Variants in ARMC2 observed in about 807,000 individuals in gnomAD.
ARMC2 encodes armadillo repeat-containing protein 2.
Under a neutral mutation model 90.3 loss-of-function variants are expected in ARMC2, and 67 were observed. The observed-to-expected ratio is 0.74, with a 90% CI of 0.61 to 0.91. The LOEUF is 0.91. Ranked by LOEUF, ARMC2 falls within the 40% of genes least tolerant of loss-of-function variation. The probability of loss-of-function intolerance (pLI) is 0.00; values close to 1 mark genes in which losing one functional copy is unlikely to be tolerated. For missense variants in ARMC2, 920 were observed against 1,030.9 expected, an observed-to-expected ratio of 0.89 and a Z score of 1.47; for synonymous variants, 393 against 393.0, an observed-to-expected ratio of 1.00 and a Z score of 0.00.
intron 12 of ARMC2, among the ~76,000 whole-genome samples, chr6:108,939,372 G>A (rs78854035): frequency 0.017 from 2,525 of 152,208 alleles, 79 homozygotes; most frequent in African/African-American, 0.059. Flanking sequence ...GATCATGGGC[G>A]GAGTTCTCAC....
chr6:108,961,550 C>T, intron 13 of ARMC2, 22 bp from the exon 14 acceptor site: 1 of 1,591,128 alleles, frequency 6.3e-7, no homozygotes, highest in Non-Finnish European at 8.6e-7. Flanking sequence ...TCTTTGACTC[C>T]CTTATCCTTA....
chr6:108,902,309 T>G lies in ARMC2; in HGVS notation c.848-1921T>G, dbSNP rs139496306. Among the ~76,000 whole-genome samples the G allele has an allele frequency of 1.2e-4, 18 of 152,336 alleles. No individual in the cohort carries two copies. The East Asian group carries it at 3.5e-3, about 29-fold the overall frequency. On this transcript the variant is annotated intron_variant, in intron 7 of 17. Coordinates refer to ENST00000392644, the MANE Select transcript of ARMC2 (RefSeq NM_032131.6). The stretch of plus-strand genomic sequence containing the variant: ...TGATCAATAGTTTAAAATTTGACCC[T>G]TGAGCCTTTCTTTCTAACCCCTTTT...
the ARMC2 span, among the ~76,000 whole-genome samples, chr6:108,989,865 G>A: frequency 2.0e-5 from 3 of 152,122 alleles, no homozygotes; most frequent in African/African-American, 4.8e-5. Flanking sequence ...TGAGTTTTCA[G>A]TGGAAAGGGG....
the ARMC2 span, among the ~76,000 whole-genome samples, chr6:108,986,101 A>C: frequency 6.6e-6 from 1 of 152,174 alleles, no homozygotes; most frequent in Non-Finnish European, 1.5e-5. Context: ...GCTTCAGTTA[A>C]ACTTAGAGCT....
At chr6:108,971,370 G>A (rs1180746007) in intron 17 of ARMC2, among the ~76,000 whole-genome samples, 2 of 152,192 alleles carry the variant, frequency 1.3e-5, no homozygotes, top group Non-Finnish European at 2.9e-5. Flanking sequence ...TTTGCTTACA[G>A]GGTCTCCATG....
chr6:109,027,625 G>A, the ARMC2 span, among the ~76,000 whole-genome samples: 20 of 151,912 alleles, frequency 1.3e-4, no homozygotes, highest in South Asian at 1.9e-3. Context: ...TAATGTCTGC[G>A]TATATTTTCA....
intron 12 of ARMC2, among the ~76,000 whole-genome samples, chr6:108,945,416 A>G (rs1015313087): frequency 4.6e-5 from 7 of 152,260 alleles, no homozygotes; most frequent in Non-Finnish European, 1.0e-4. Context: ...TGCAAAGGTC[A>G]TGATCAAAAA....
At chr6:108,920,466 G>C (rs1474844032) in intron 10 of ARMC2, among the ~76,000 whole-genome samples, 1 of 152,162 alleles carries the variant, frequency 6.6e-6, no homozygotes, top group African/African-American at 2.4e-5. Context: ...GTTGCCACGA[G>C]AGAGTAGGCA....
At chr6:108,909,860 T>C (rs114971314) in intron 8 of ARMC2, among the ~76,000 whole-genome samples, 3 of 152,302 alleles carry the variant, frequency 2.0e-5, no homozygotes, top group African/African-American at 7.2e-5. Flanking sequence ...ACTTTAGATG[T>C]TACTTGTGAT....
At chr6:108,968,126 A>G (rs1366087756) in intron 17 of ARMC2, among the ~76,000 whole-genome samples, 1 of 152,220 alleles carries the variant, frequency 6.6e-6, no homozygotes, top group East Asian at 1.9e-4. Flanking sequence ...AAGGTACTTG[A>G]TAGCTGCATG....
chr6:108,964,323 G>A lies in ARMC2; in HGVS notation c.2285+11G>A, dbSNP rs769102341. Reference sequence around the variant, plus strand: ...AGGTGGCATTAAAAAGTAAGTTTCAGGGCGTAGAGTACTGACTCTCTCAGG... The same window carrying A: ...AGGTGGCATTAAAAAGTAAGTTTCAAGGCGTAGAGTACTGACTCTCTCAGG... On this transcript the variant is annotated intron_variant, in intron 16 of 17. Transcript: ENST00000392644. 8.1e-6 allele frequency: 13 copies of A among 1,613,024 alleles called. No individual in the cohort carries two copies. Among genetic ancestry groups the A allele is most frequent in the Non-Finnish European group, 8.5e-6 (10 of 1,179,364 alleles).
At chr6:109,050,090 A>C in the ARMC2 span, among the ~76,000 whole-genome samples, 4 of 152,218 alleles carry the variant, frequency 2.6e-5, no homozygotes, top group Non-Finnish European at 5.9e-5. Flanking sequence ...TGAAAAAGCC[A>C]AACTGGTGGA....
chr6:108,875,297 T>A (rs1371491521), intron 4 of ARMC2, among the ~76,000 whole-genome samples: 1 of 152,194 alleles, frequency 6.6e-6, no homozygotes. Context: ...TGCCCTCTCC[T>A]TTCCATTGCA....
intron 12 of ARMC2, among the ~76,000 whole-genome samples, chr6:108,942,252 A>G (rs1043984267): frequency 2.6e-5 from 4 of 152,222 alleles, no homozygotes; most frequent in African/African-American, 9.7e-5. Context: ...TATTTTTTCT[A>G]GTACTCGAGT....
At chr6:108,960,246 C>T (rs1777895189) in intron 13 of ARMC2, among the ~76,000 whole-genome samples, 1 of 152,328 alleles carries the variant, frequency 6.6e-6, no homozygotes, top group Non-Finnish European at 1.5e-5. Context: ...CCCTCACACC[C>T]CCATCCAGTC....
chr6:108,954,430 C>T (rs1030568289), intron 13 of ARMC2, among the ~76,000 whole-genome samples: 1 of 152,150 alleles, frequency 6.6e-6, no homozygotes, highest in African/African-American at 2.4e-5. Context: ...TAAGACCAGC[C>T]TGGCCAACAT....
At chr6:109,046,810 C>A in the ARMC2 span, among the ~76,000 whole-genome samples, 13 of 138,648 alleles carry the variant, frequency 9.4e-5, no homozygotes, top group Non-Finnish European at 1.9e-4. Context: ...CTCTGCCCGG[C>A]CGCCCTGTCT....
the ARMC2 span, among the ~76,000 whole-genome samples, chr6:108,985,410 CTAAT>C: frequency 6.6e-6 from 1 of 152,058 alleles, no homozygotes; most frequent in Non-Finnish European, 1.5e-5. Context: ...TGTACCTTCC[CTAAT>C]TATTTTGGAA....
chr6:108,992,421 A>G, the ARMC2 span, among the ~76,000 whole-genome samples: 1 of 152,096 alleles, frequency 6.6e-6, no homozygotes, highest in East Asian at 1.9e-4. Flanking sequence ...CAGGCCCCTT[A>G]GTTTTTTGAG....
Sources: gnomAD v4.1 joint callset for allele counts (sites outside exome capture counted in the v4.1 genomes callset) on GRCh38, gnomAD v4.1.1 for gene constraint, MANE v1.5 for transcripts, NCBI Gene and HGNC (gene_info 2026-07-23, HGNC 2026-07-21) for gene names.